MYLK3: variants seen among roughly 807,000 people sequenced by gnomAD.
MYLK3 encodes myosin light chain kinase 3, also known as MLC kinase.
In MYLK3, 55 loss-of-function variants were observed where a neutral mutation model predicts 76.3. That is an observed-to-expected ratio of 0.72 (90% CI 0.58 to 0.90). MYLK3 has a LOEUF of 0.90. Ranked by LOEUF, MYLK3 falls within the 40% of genes least tolerant of loss-of-function variation. The probability of loss-of-function intolerance (pLI) is 0.00; values close to 1 mark genes in which losing one functional copy is unlikely to be tolerated. For synonymous variants in MYLK3, 416 were observed against 425.4 expected (o/e 0.98, Z 0.27); for missense variants, 973 against 1,053.6 (o/e 0.92, Z 1.06).
chr16:46,702,989 A>T lies in MYLK3; in HGVS notation c.*4715T>A, dbSNP rs1966591303. 6.6e-6 allele frequency among the ~76,000 whole-genome samples: 1 copy of T among 150,920 alleles called. No individual in the cohort carries two copies. Among genetic ancestry groups the T allele is most frequent in the Non-Finnish European group, 1.5e-5 (1 of 67,796 alleles). ...AAAAAAAAAAAGATTCAAAAGGTTCAGAAAGATAAATGAAAAGTGGAATTC... is the reference window on the plus strand; with the variant it reads ...AAAAAAAAAAAGATTCAAAAGGTTCTGAAAGATAAATGAAAAGTGGAATTC... On this transcript the variant is annotated 3_prime_UTR_variant, in exon 13 of 13. Coordinates refer to ENST00000394809, the MANE Select transcript of MYLK3 (RefSeq NM_182493.3).
At chr16:46,745,610 G>T (rs1189407563) in intron 1 of MYLK3, among the ~76,000 whole-genome samples, 1 of 152,148 alleles carries the variant, frequency 6.6e-6, no homozygotes, top group Non-Finnish European at 1.5e-5. Flanking sequence ...GCCGGGCATG[G>T]TGGAGGGCGT....
chr16:46,724,701 A>G (rs1047213756), intron 8 of MYLK3, among the ~76,000 whole-genome samples: 1 of 152,230 alleles, frequency 6.6e-6, no homozygotes, highest in African/African-American at 2.4e-5. Flanking sequence ...TTTCTGTAGC[A>G]TTGTAGAAAG....
At position 46,705,113 on chromosome 16, in the gene MYLK3, C is replaced by G. The variant is rs1216493990; in HGVS notation, c.*2591G>C. 1.3e-5 allele frequency: 2 copies of G among 152,230 alleles called. No individual in the cohort carries two copies. The highest frequency in any genetic ancestry group is 4.8e-5 in the African/African-American group (2 of 41,462). 9.4% of individuals were successfully genotyped at this position (152,230 alleles called of 1,614,324 possible). On this transcript the variant is annotated 3_prime_UTR_variant, in exon 13 of 13. Transcript: ENST00000394809. ...CTTGAGAACTGCAGCAGCAGGATAA[C>G]CTCTCCACCTGCCTACCTCTCTGTC... is the stretch of plus-strand genomic sequence containing the variant.
intron 7 of MYLK3, among the ~76,000 whole-genome samples, chr16:46,728,076 T>C (rs200132707): frequency 5.3e-5 from 8 of 151,860 alleles, no homozygotes; most frequent in African/African-American, 1.9e-4. Flanking sequence ...TGAAGACACA[T>C]AGTCTTTCGC....
At chr16:46,755,588 A>G (rs978687805) in intron 1 of MYLK3, among the ~76,000 whole-genome samples, 4 of 152,188 alleles carry the variant, frequency 2.6e-5, no homozygotes, top group Non-Finnish European at 5.9e-5. Context: ...AATTAAACAC[A>G]TGCAGCAAAA....
rs539701511 is a variant in MYLK3, at chr16:46,706,244, T to C, written c.*1460A>G. The C allele has an allele frequency of 6.6e-6, 1 of 151,990 alleles. No homozygotes were observed. Among genetic ancestry groups the C allele is most frequent in the African/African-American group, 2.4e-5 (1 of 41,438 alleles). The allele number at this position is 151,990 out of a possible 1,614,324, so 9.4% of individuals were successfully genotyped here. On this transcript the variant is annotated 3_prime_UTR_variant, in exon 13 of 13. Transcript: ENST00000394809. ...GTTAATACCCATACACACATATGTG[T>C]TCGTGTGTGTGTGTGTTTGTGTGTG... is the stretch of plus-strand genomic sequence containing the variant.
rs116897732 is a variant in MYLK3 at position 46,737,454 on chromosome 16, C to T, written c.1001+257G>A. On this transcript the variant is annotated intron_variant, in intron 3 of 12. Coordinates refer to ENST00000394809, the MANE Select transcript of MYLK3 (RefSeq NM_182493.3). ...CATGTAAAAAAGAAAAATCTAATTC[C>T]TGAGACTCACTCCAGACCAATTCAA... Among the ~76,000 whole-genome samples the T allele has an allele frequency of 3.4e-3, 522 of 152,310 alleles. 5 individuals carry two copies. The highest frequency in any genetic ancestry group is 0.017 in the Middle Eastern group (5 of 294).
At chr16:46,721,462 G>A (rs1351164743) in intron 8 of MYLK3, among the ~76,000 whole-genome samples, 1 of 152,212 alleles carries the variant, frequency 6.6e-6, no homozygotes, top group Non-Finnish European at 1.5e-5. Flanking sequence ...TAGGAGTGCA[G>A]ACACAATGCC....
intron 1 of MYLK3, among the ~76,000 whole-genome samples, chr16:46,747,454 A>C (rs1297149120): frequency 6.6e-6 from 1 of 152,170 alleles, no homozygotes; most frequent in Non-Finnish European, 1.5e-5. Flanking sequence ...CGTGTCCCCC[A>C]CAGCTAGGTT....
At chr16:46,735,021 A>G (rs1361483659) in intron 3 of MYLK3, among the ~76,000 whole-genome samples, 2 of 151,886 alleles carry the variant, frequency 1.3e-5, no homozygotes, top group African/African-American at 4.8e-5. Context: ...CATGCTTGTA[A>G]TCCCAGCTAC....
intron 9 of MYLK3, among the ~76,000 whole-genome samples, chr16:46,718,888 C>T (rs945432731): frequency 1.3e-5 from 2 of 151,638 alleles, no homozygotes; most frequent in Non-Finnish European, 2.9e-5. Flanking sequence ...ATTGTTTGAA[C>T]CCAGGAGGCA....
intron 1 of MYLK3, among the ~76,000 whole-genome samples, chr16:46,747,240 G>A (rs951879978): frequency 3.9e-5 from 6 of 152,140 alleles, no homozygotes; most frequent in African/African-American, 1.2e-4. Flanking sequence ...GTCAACACTC[G>A]TCTCCCCACA....
intron 12 of MYLK3, among the ~76,000 whole-genome samples, chr16:46,709,054 G>A (rs995599963): frequency 6.6e-6 from 1 of 152,174 alleles, no homozygotes; most frequent in East Asian, 1.9e-4. Flanking sequence ...TTTAAATCAA[G>A]CTAGCAGCTT....
Position 46,703,734 on chromosome 16 carries a change from A to T in MYLK3, c.*3970T>A, listed in dbSNP as rs1966598736. On this transcript the variant is annotated 3_prime_UTR_variant, in exon 13 of 13. Coordinates refer to ENST00000394809, the MANE Select transcript of MYLK3 (RefSeq NM_182493.3). ...TGGCCTGGCCTAAACAGACCCCTCA[A>T]AGGAACTTTGGAGGGAAATTGTTTC... 1 of 153,752 alleles carries T rather than the reference A, an allele frequency of 6.5e-6. No individual in the cohort carries two copies. Among genetic ancestry groups the T allele is most frequent in the African/African-American group, 2.4e-5 (1 of 41,454 alleles). The allele number at this position is 153,752 out of a possible 1,614,324, so 9.5% of individuals were successfully genotyped here.
At chr16:46,728,293 G>A (rs971290003) in intron 7 of MYLK3, among the ~76,000 whole-genome samples, 1 of 152,114 alleles carries the variant, frequency 6.6e-6, no homozygotes, top group Non-Finnish European at 1.5e-5. Context: ...ACCCCTGGGA[G>A]CTCCCACACA....
intron 5 of MYLK3, 48 bp downstream of exon 5, chr16:46,730,545 C>T: frequency 6.6e-7 from 1 of 1,524,612 alleles, no homozygotes; most frequent in Non-Finnish European, 9.1e-7. Flanking sequence ...CGACCCTGCC[C>T]CGTGACTCCT....
At position 46,748,344 on chromosome 16, in the gene MYLK3, T is replaced by C; in HGVS notation, c.-151A>G. On this transcript the variant is annotated 5_prime_UTR_variant, in exon 1 of 13. Coordinates refer to ENST00000394809, the MANE Select transcript of MYLK3 (RefSeq NM_182493.3). This position sits in a 1 kb window ranked among gnomAD's most constrained non-coding sequence, Gnocchi z 4.3. ...AACCTCCACGATGGCCTGGGCTGTG[T>C]GAGGAGCGCAGAGGCCCAGGTTCTT... 1.4e-6 allele frequency: 2 copies of C among 1,382,022 alleles called. No individual in the cohort carries two copies. The highest frequency in any genetic ancestry group is 9.5e-7 in the Non-Finnish European group (1 of 1,053,030). The allele number at this position is 1,382,022 out of a possible 1,614,324, so 85.6% of individuals were successfully genotyped here.
chr16:46,757,839 T>C (rs1967220348), intron 1 of MYLK3, among the ~76,000 whole-genome samples: 1 of 152,294 alleles, frequency 6.6e-6, no homozygotes, highest in African/African-American at 2.4e-5. Flanking sequence ...GAGGGAGTCC[T>C]CGGGCAGAAC....
intron 9 of MYLK3, among the ~76,000 whole-genome samples, chr16:46,715,493 G>A (rs1966727338): frequency 1.3e-5 from 2 of 152,182 alleles, no homozygotes; most frequent in African/African-American, 4.8e-5. Flanking sequence ...AGGTCAAATA[G>A]GAGACCGTAT....
Sources: gnomAD v4.1 joint callset for allele counts (sites outside exome capture counted in the v4.1 genomes callset) on GRCh38, gnomAD v4.1.1 for gene constraint, Gnocchi (gnomAD v3.1) non-coding constraint, MANE v1.5 for transcripts, NCBI Gene and HGNC (gene_info 2026-07-23, HGNC 2026-07-21) for gene names.